CA10: variants seen among roughly 807,000 people sequenced by gnomAD.
The protein encoded by CA10 is carbonic anhydrase 10 (inactive), also known as carbonic anhydrase-related protein 10.
CA10 carries 14 observed loss-of-function variants against 44.2 expected under a neutral mutation model. The observed-to-expected ratio is 0.32, with a 90% CI of 0.21 to 0.50. The LOEUF (loss-of-function observed/expected upper bound fraction) is 0.50, where lower values mean the gene tolerates loss of function less well. Ranked by LOEUF, CA10 falls within the 20% of genes least tolerant of loss-of-function variation. CA10 has a pLI of 0.99. For missense variants in CA10, 350 were observed against 409.7 expected, an observed-to-expected ratio of 0.85 and a Z score of 1.26; for synonymous variants, 159 against 141.6, an observed-to-expected ratio of 1.12 and a Z score of -0.87.
chr17:51,720,691 C>A (rs541504078), intron 4 of CA10, among the ~76,000 whole-genome samples: 6 of 152,112 alleles, frequency 3.9e-5, no homozygotes, highest in Admixed American at 3.3e-4. Flanking sequence ...ACTGATCTCA[C>A]CTATATGTAC....
Position 51,691,898 on chromosome 17 carries a change from T to G in CA10, c.466-38162A>C, listed in dbSNP as rs551009893. Among the ~76,000 whole-genome samples the G allele has an allele frequency of 2.0e-5, 3 of 152,274 alleles. No individual in the cohort carries two copies. The South Asian group carries it at 6.2e-4, about 32-fold the overall frequency. ...CATATTGGCCTGAGTCACTTTCAGA[T>G]GTTGCTGAGAAAAAAATCCCAACCC... On this transcript the variant is annotated intron_variant, in intron 4 of 8. Transcript: ENST00000451037.
At chr17:51,869,095 T>C (rs1464942686) in intron 3 of CA10, among the ~76,000 whole-genome samples, 1 of 152,088 alleles carries the variant, frequency 6.6e-6, no homozygotes, top group African/African-American at 2.4e-5. Context: ...AATTTTTATA[T>C]ATAAATTATC....
At chr17:51,787,271 C>A (rs1436723218) in intron 3 of CA10, among the ~76,000 whole-genome samples, 1 of 152,102 alleles carries the variant, frequency 6.6e-6, no homozygotes, top group African/African-American at 2.4e-5. Flanking sequence ...AGGTTCCAGG[C>A]TTTTACTGGG....
At chr17:51,732,362 G>A (rs1334938528) in intron 4 of CA10, among the ~76,000 whole-genome samples, 3 of 152,126 alleles carry the variant, frequency 2.0e-5, no homozygotes, top group African/African-American at 7.2e-5. Context: ...TCTATTAATG[G>A]GTGACACTCC....
intron 2 of CA10, among the ~76,000 whole-genome samples, chr17:52,057,648 A>G (rs1598191465): frequency 6.6e-6 from 1 of 152,060 alleles, no homozygotes; most frequent in Admixed American, 6.6e-5. Flanking sequence ...GGTAAATTGT[A>G]TTGTTAAAAC....
intron 1 of CA10, among the ~76,000 whole-genome samples, chr17:52,154,640 C>T (rs1989767536): frequency 6.6e-6 from 1 of 152,184 alleles, no homozygotes; most frequent in Admixed American, 6.5e-5. Flanking sequence ...TGTCTCTGAT[C>T]TCTTCACAGA....
chr17:51,824,768 C>T (rs2143771032), intron 3 of CA10, among the ~76,000 whole-genome samples: 1 of 152,320 alleles, frequency 6.6e-6, no homozygotes, highest in South Asian at 2.1e-4. Flanking sequence ...GGGATATCGG[C>T]CTCTTGAAAT....
chr17:52,077,890 A>T (rs1160738336), intron 1 of CA10, among the ~76,000 whole-genome samples: 1 of 152,220 alleles, frequency 6.6e-6, no homozygotes, highest in Non-Finnish European at 1.5e-5. Flanking sequence ...TTTTCAAACC[A>T]GTCAATAAAG....
At chr17:52,159,250 G>T (rs2970049), upstream of CA10, 115,002 of 151,744 alleles carry the variant, frequency 0.76, 44,373 homozygotes, top group African/African-American at 0.91. Context: ...CCCTTTCCGT[G>T]CCAGTGCCAG....
chr17:52,119,464 C>T (rs1460307015), intron 1 of CA10, among the ~76,000 whole-genome samples: 1 of 152,062 alleles, frequency 6.6e-6, no homozygotes, highest in Non-Finnish European at 1.5e-5. Flanking sequence ...GGGTTCCTGA[C>T]CCATGGTAAG....
At chr17:51,874,708 T>G (rs1054119481) in intron 3 of CA10, among the ~76,000 whole-genome samples, 2 of 152,178 alleles carry the variant, frequency 1.3e-5, no homozygotes, top group African/African-American at 4.8e-5. Context: ...CTATTAGAAT[T>G]AACCACTGCA....
At chr17:52,027,429 T>G (rs1986335160) in intron 2 of CA10, among the ~76,000 whole-genome samples, 1 of 152,264 alleles carries the variant, frequency 6.6e-6, no homozygotes, top group Non-Finnish European at 1.5e-5. Flanking sequence ...GCTTTCTTCT[T>G]GGAATCCCCT....
At chr17:52,022,659 A>C (rs1442106106) in intron 2 of CA10, among the ~76,000 whole-genome samples, 1 of 151,316 alleles carries the variant, frequency 6.6e-6, no homozygotes, top group Non-Finnish European at 1.5e-5. Context: ...TAGGAAAAAA[A>C]GTCAAATTAT....
intron 4 of CA10, among the ~76,000 whole-genome samples, chr17:51,654,619 C>T (rs1011850239): frequency 3.3e-5 from 5 of 151,166 alleles, no homozygotes; most frequent in African/African-American, 7.3e-5. Flanking sequence ...TGCAGTGGCG[C>T]GATTTCAGCT....
At chr17:52,046,241 A>G (rs1986908379) in intron 2 of CA10, among the ~76,000 whole-genome samples, 2 of 151,660 alleles carry the variant, frequency 1.3e-5, no homozygotes. Context: ...ACAAAGAAAA[A>G]AGAAAATCCA....
intron 2 of CA10, among the ~76,000 whole-genome samples, chr17:51,939,328 T>C (rs1378311843): frequency 1.3e-5 from 2 of 152,134 alleles, no homozygotes; most frequent in Non-Finnish European, 2.9e-5. Flanking sequence ...TACAGTTATT[T>C]CCATCTTACT....
At chr17:52,143,327 T>A (rs751206148) in intron 1 of CA10, among the ~76,000 whole-genome samples, 1 of 152,172 alleles carries the variant, frequency 6.6e-6, no homozygotes, top group Non-Finnish European at 1.5e-5. Context: ...TGATATAATT[T>A]TAAATAAGTA....
chr17:51,656,797 G>A (rs185880099), intron 4 of CA10, among the ~76,000 whole-genome samples: 152 of 152,268 alleles, frequency 1.0e-3, no homozygotes, highest in Non-Finnish European at 2.0e-3. Context: ...TTGGATGCAC[G>A]CTAAAGTTTC....
At chr17:51,876,193 G>T (rs1167213664) in intron 3 of CA10, among the ~76,000 whole-genome samples, 2 of 115,412 alleles carry the variant, frequency 1.7e-5, no homozygotes, top group South Asian at 2.8e-4. Flanking sequence ...TTTGAACAAG[G>T]TCTCACCCTG....
Sources: gnomAD v4.1 joint callset for allele counts (sites outside exome capture counted in the v4.1 genomes callset) on GRCh38, gnomAD v4.1.1 for gene constraint, MANE v1.5 for transcripts, NCBI Gene and HGNC (gene_info 2026-07-23, HGNC 2026-07-21) for gene names.